ZNF253: variants seen among roughly 807,000 people sequenced by gnomAD.
The protein encoded by ZNF253 is zinc finger protein 253.
Under a neutral mutation model 11.9 loss-of-function variants are expected in ZNF253, and 8 were observed. That is an observed-to-expected ratio of 0.67 (90% CI 0.40 to 1.22). The LOEUF is 1.22. ZNF253 is among the 50% of genes most tolerant of loss of function. ZNF253 has a pLI of 0.01. For synonymous variants in ZNF253, 194 were observed against 194.9 expected (o/e 1.00, Z 0.04); for missense variants, 485 against 586.9 (o/e 0.83, Z 1.79).
intron 1 of ZNF253, among the ~76,000 whole-genome samples, chr19:19,868,044 A>AT (rs568779823): frequency 0.011 from 1,633 of 144,382 alleles, 15 homozygotes; most frequent in South Asian, 0.03. Flanking sequence ...TTTTAATGAG[A>AT]TTTTTTTTTT....
chr19:19,870,456 T>G (rs2063129540), intron 1 of ZNF253, among the ~76,000 whole-genome samples: 1 of 152,110 alleles, frequency 6.6e-6, no homozygotes, highest in Non-Finnish European at 1.5e-5. Context: ...AGTTAGATAT[T>G]TATATCTAAT....
intron 2 of ZNF253, among the ~76,000 whole-genome samples, chr19:19,879,464 G>A (rs1175513282): frequency 6.6e-6 from 1 of 152,054 alleles, no homozygotes; most frequent in African/African-American, 2.4e-5. Flanking sequence ...ACATGTTAAT[G>A]TAGGCTAGGC....
In ZNF253 at chr19:19,892,147, C is replaced by T. The variant is rs1208834598; in HGVS notation, c.900C>T (p.Thr300=). ...CCTTTAAGCACCCCTCACACGTTAC[C>T]ACACATAAGAAAATTCATACTAGAG... The part of the protein sequence containing the change: ...GKAFKHPSHV[T]THKKIHTRGK... Residue 300 remains threonine (T), a synonymous_variant, in exon 4 of 4, where the codon ACC becomes ACT. Coordinates refer to ENST00000589717, the MANE Select transcript of ZNF253 (RefSeq NM_021047.3). 5.0e-6 allele frequency: 8 copies of T among 1,596,056 alleles called. No homozygotes were observed. In the African/African-American group the frequency reaches 5.8e-5, roughly 12 times the overall value.
chr19:19,885,329 TC>T (rs2063200333), intron 3 of ZNF253, among the ~76,000 whole-genome samples: 4 of 89,762 alleles, frequency 4.5e-5, no homozygotes, highest in East Asian at 4.9e-4. Context: ...TTTCTTTCTT[TC>T]TTTCTTTCTT....
Position 19,878,267 on chromosome 19 carries a change from A to G in ZNF253, c.4-214A>G, listed in dbSNP as rs867845559. On this transcript the variant is annotated intron_variant, in intron 1 of 3. Transcript: ENST00000589717. ...CTCTATTATCTAAAAAATATCATATATAAACTGATGTTATGGATCTTGTGC... is the reference window on the plus strand; with the variant it reads ...CTCTATTATCTAAAAAATATCATATGTAAACTGATGTTATGGATCTTGTGC... 6.0e-4 allele frequency among the ~76,000 whole-genome samples: 91 copies of G among 152,366 alleles called. 1 individual carries two copies. The highest frequency in any genetic ancestry group is 6.8e-3 in the Middle Eastern group (2 of 294).
chr19:19,891,481 T>A lies in ZNF253; in HGVS notation c.234T>A (p.Ser78Arg), dbSNP rs767143582. 6.3e-7 allele frequency: 1 copy of A among 1,582,618 alleles called. No individual in the cohort carries two copies. The highest frequency in any genetic ancestry group is 1.1e-5 in the South Asian group (1 of 87,054). ...TTTTATTGTTTCTTTTAGTTATGAG[T>A]TCTCATTTTGCCCAAGACCTTTGGC... ...HEMIAKPPVM[S>R]SHFAQDLWPE... Residue 78 changes from serine to arginine, a missense_variant, in exon 4 of 4, where the codon AGT becomes AGA. Ser to Arg is a moderately radical substitution (Grantham distance 110, BLOSUM62 -1). Coordinates refer to ENST00000589717, the MANE Select transcript of ZNF253 (RefSeq NM_021047.3).
chr19:19,892,476 T>A lies in ZNF253; in HGVS notation c.1229T>A (p.Ile410Asn). ...ECGKTFTWPS[I>N]LSKHKRTHTG... ...GGCAAAACCTTTACCTGGCCCTCAATCCTCTCCAAACATAAAAGAACTCAT... is the reference window on the plus strand; with the variant it reads ...GGCAAAACCTTTACCTGGCCCTCAAACCTCTCCAAACATAAAAGAACTCAT... Residue 410 changes from isoleucine to asparagine, a missense_variant, in exon 4 of 4, where the codon ATC becomes AAC. Ile to Asn is a moderately radical substitution (Grantham distance 149). Coordinates refer to ENST00000589717, the MANE Select transcript of ZNF253 (RefSeq NM_021047.3). 6.2e-7 allele frequency: 1 copy of A among 1,601,802 alleles called. No individual in the cohort carries two copies. The highest frequency in any genetic ancestry group is 8.5e-7 in the Non-Finnish European group (1 of 1,175,976).
rs1026170377 is a variant in ZNF253 at position 19,891,678 on chromosome 19, T to G, written c.431T>G (p.Phe144Cys). 5 of 1,613,978 alleles carry G rather than the reference T, an allele frequency of 3.1e-6. No homozygotes were observed. Among genetic ancestry groups the G allele is most frequent in the Admixed American group, 1.7e-5 (1 of 60,000 alleles). The change falls in exon 4 of 4, where the codon TTT becomes TGT. Residue 144 changes from phenylalanine (F) to cysteine (C), a missense_variant. Physicochemically the swap from Phe to Cys is radical, Grantham distance 205 (BLOSUM62 -2). This residue lies in a region of ZNF253 where 218 missense variants were observed against 213.1 expected (regional missense o/e 1.02). Transcript: ENST00000589717. ...QCLTTTQKEI[F>C]QCDKYGKVFH... ...TTGACAACTACCCAGAAAGAAATAT[T>G]TCAATGTGATAAATATGGAAAAGTC...
At chr19:19,870,351 C>T (rs1429416851) in intron 1 of ZNF253, among the ~76,000 whole-genome samples, 5 of 148,174 alleles carry the variant, frequency 3.4e-5, no homozygotes, top group African/African-American at 1.2e-4. Context: ...GAGATTGCAC[C>T]ATTTCACTCC....
At chr19:19,882,751 T>A (rs1446183254) in intron 3 of ZNF253, among the ~76,000 whole-genome samples, 1 of 151,986 alleles carries the variant, frequency 6.6e-6, no homozygotes, top group African/African-American at 2.4e-5. Context: ...GGTGGGTGGA[T>A]CAAGAGGTCA....
Position 19,891,509 on chromosome 19 carries a change from G to A in ZNF253, c.262G>A (p.Glu88Lys). Residue 88 changes from glutamate (E) to lysine (K), a missense_variant, in exon 4 of 4, where the codon GAG (glutamate) becomes AAG (lysine). Physicochemically the swap from Glu to Lys is moderately conservative, Grantham distance 56. Transcript: ENST00000589717. ...SSHFAQDLWP[E>K]NIQNSFQIGM... is the part of the protein sequence containing the mutation. Reference sequence around the variant, plus strand: ...TCATTTTGCCCAAGACCTTTGGCCAGAGAACATACAAAATTCTTTCCAAAT... The same window carrying A: ...TCATTTTGCCCAAGACCTTTGGCCAAAGAACATACAAAATTCTTTCCAAAT... 1 of 1,609,984 alleles carries A rather than the reference G, an allele frequency of 6.2e-7. No individual in the cohort carries two copies.
At chr19:19,886,575 A>G (rs117096219) in intron 3 of ZNF253, among the ~76,000 whole-genome samples, 2,039 of 152,242 alleles carry the variant, frequency 0.013, 22 homozygotes, top group Non-Finnish European at 0.017. Flanking sequence ...TTTTCACTCT[A>G]TTAATTCAAA....
chr19:19,873,352 A>G (rs1192480797), intron 1 of ZNF253, among the ~76,000 whole-genome samples: 1 of 152,158 alleles, frequency 6.6e-6, no homozygotes, highest in African/African-American at 2.4e-5. Flanking sequence ...CCACCAGTGC[A>G]GTTCTGTTTT....
Position 19,892,996 on chromosome 19 carries a change from A to G in ZNF253, c.*249A>G. The stretch of plus-strand genomic sequence containing the variant: ...CAAGTTCTCAATTCCTTTTTTTTTG[A>G]GATGGAGTTTCACTCTTGTCACCGA... On this transcript the variant is annotated 3_prime_UTR_variant, in exon 4 of 4. Coordinates refer to ENST00000589717, the MANE Select transcript of ZNF253 (RefSeq NM_021047.3). The G allele has an allele frequency of 2.7e-6, 1 of 375,560 alleles. No individual in the cohort carries two copies. Among genetic ancestry groups the G allele is most frequent in the Non-Finnish European group, 4.5e-6 (1 of 222,814 alleles). The allele number at this position is 375,560 out of a possible 1,614,324, so 23.3% of individuals were successfully genotyped here.
upstream of ZNF253, chr19:19,865,881 G>C: frequency 1.5e-6 from 2 of 1,358,436 alleles, no homozygotes; most frequent in East Asian, 2.3e-5. Flanking sequence ...GGGAGCTCCA[G>C]GTTTATCCTC....
At chr19:19,871,959 A>T (rs1450840840) in intron 1 of ZNF253, among the ~76,000 whole-genome samples, 2 of 152,158 alleles carry the variant, frequency 1.3e-5, no homozygotes, top group Admixed American at 1.3e-4. Context: ...TCTGGCTTCC[A>T]GTCAGCTCAG....
chr19:19,892,091 A>G lies in ZNF253; in HGVS notation c.844A>G (p.Lys282Glu). 6.2e-7 allele frequency: 1 copy of G among 1,614,084 alleles called. No homozygotes were observed. Among genetic ancestry groups the G allele is most frequent in the Non-Finnish European group, 8.5e-7 (1 of 1,180,028 alleles). Residue 282 changes from lysine to glutamate, a missense_variant, in exon 4 of 4, where the codon AAA becomes GAA. Lys to Glu is a moderately conservative substitution (Grantham distance 56). This residue lies in a region of ZNF253 where 232 missense variants were observed against 321.4 expected (regional missense o/e 0.72). Coordinates refer to ENST00000589717, the MANE Select transcript of ZNF253 (RefSeq NM_021047.3). ...ACATAAGATAGTTCATACTGGAGAG[A>G]AACCCTACAAATGTGAAGAATGTGG... ...TTHKIVHTGE[K>E]PYKCEECGKA...
At chr19:19,888,307 A>G (rs2063214806) in intron 3 of ZNF253, among the ~76,000 whole-genome samples, 1 of 151,902 alleles carries the variant, frequency 6.6e-6, no homozygotes, top group Non-Finnish European at 1.5e-5. Context: ...CCAGTGATTC[A>G]CCCGCCTTGG....
At position 19,872,585 on chromosome 19, in the gene ZNF253, A is replaced by ATATATATATATATATTAT. The variant is rs1568494479; in HGVS notation, c.4-5881_4-5880insTATTATATATATATATAT. ...ACTATATATATATATATATATTATT[A>ATATATATATATATATTAT]TATATATATATATATAATCAAGTTT... On this transcript the variant is annotated intron_variant, in intron 1 of 3. Transcript: ENST00000589717. Among the ~76,000 whole-genome samples the ATATATATATATATATTAT allele has an allele frequency of 6.2e-4, 56 of 90,372 alleles. 1 individual carries two copies. The highest frequency in any genetic ancestry group is 2.3e-3 in the African/African-American group (38 of 16,396). 59.3% of individuals were successfully genotyped at this position (90,372 alleles called of 152,430 possible). A position where few individuals can be genotyped will look rare whatever the true frequency, so the allele number is the denominator to read the frequency against.
Sources: gnomAD v4.1 joint callset for allele counts (sites outside exome capture counted in the v4.1 genomes callset) on GRCh38, gnomAD v4.1.1 for gene constraint, gnomAD v4.1.1 regional missense constraint, MANE v1.5 for transcripts, NCBI Gene and HGNC (gene_info 2026-07-23, HGNC 2026-07-21) for gene names.